The following ST3GAL1 variants were observed in gnomAD, a reference collection of about 807,000 sequenced individuals.
The protein encoded by ST3GAL1 is CMP-N-acetylneuraminate-beta-galactosamide-alpha-2,3-sialyltransferase 1.
ST3GAL1 carries 16 observed loss-of-function variants against 34.1 expected under a neutral mutation model. The observed-to-expected ratio is 0.47, with a 90% CI of 0.32 to 0.71. The LOEUF (loss-of-function observed/expected upper bound fraction) is 0.71, where lower values mean the gene tolerates loss of function less well. Among genes scored for constraint, ST3GAL1 ranks in the 30% least tolerant of loss-of-function variants. ST3GAL1 has a pLI of 0.04. For missense variants in ST3GAL1, 353 were observed against 447.4 expected (o/e 0.79, Z 1.90); for synonymous variants, 191 against 184.7 (o/e 1.03, Z -0.28).
In ST3GAL1 at chr8:133,557,600, A is replaced by G. The variant is rs369570157; in HGVS notation, c.-581-11674T>C. Among the ~76,000 whole-genome samples the G allele has an allele frequency of 3.9e-5, 6 of 152,184 alleles. No individual in the cohort carries two copies. The East Asian group carries it at 7.7e-4, about 20-fold the overall frequency. On this transcript the variant is annotated intron_variant, in intron 1 of 9. Transcript: ENST00000522652. The stretch of plus-strand genomic sequence containing the variant: ...TGGTCTGACTCACACCTGTAATCCC[A>G]GCACTTTGGGAGGCCAAGGCAGGCA...
At chr8:133,547,905 G>A (rs1322994330) in intron 1 of ST3GAL1, among the ~76,000 whole-genome samples, 1 of 152,216 alleles carries the variant, frequency 6.6e-6, no homozygotes, top group Non-Finnish European at 1.5e-5. Flanking sequence ...GGCAAAAGCA[G>A]GAGTGGGAGA....
intron 3 of ST3GAL1, among the ~76,000 whole-genome samples, chr8:133,479,258 T>C (rs1439542375): frequency 6.6e-6 from 1 of 151,472 alleles, no homozygotes. Flanking sequence ...CTCCCAGGCA[T>C]CAATAGGGCC....
chr8:133,524,912 C>T (rs1055661453), intron 2 of ST3GAL1, among the ~76,000 whole-genome samples: 2 of 152,282 alleles, frequency 1.3e-5, no homozygotes, highest in Admixed American at 6.5e-5. Flanking sequence ...GAAGGTGTCA[C>T]AGCCCTGGCT....
At chr8:133,484,971 T>A (rs1390139729) in intron 3 of ST3GAL1, among the ~76,000 whole-genome samples, 2 of 152,192 alleles carry the variant, frequency 1.3e-5, no homozygotes, top group African/African-American at 4.8e-5. Context: ...CTTGTAGCTA[T>A]GATCAACGAA....
intron 5 of ST3GAL1, among the ~76,000 whole-genome samples, chr8:133,468,019 G>A (rs1815807918): frequency 6.6e-6 from 1 of 152,184 alleles, no homozygotes; most frequent in South Asian, 2.1e-4. Flanking sequence ...TGCATTGCTG[G>A]TGGGGATGTA....
At position 133,476,201 on chromosome 8, in the gene ST3GAL1, C is replaced by T. The variant is rs918304253; in HGVS notation, c.-51+77G>A. On this transcript the variant is annotated intron_variant, in intron 4 of 9. Coordinates refer to ENST00000522652, the MANE Select transcript of ST3GAL1 (RefSeq NM_173344.3). The stretch of plus-strand genomic sequence containing the variant: ...CTTCACTCCTGCTGGGGGATGACCC[C>T]CAACTGTGTCCCAGACACGGCTGTG... 2.3e-5 allele frequency: 15 copies of T among 649,466 alleles called. No homozygotes were observed. The African/African-American group carries it at 2.7e-4, about 12-fold the overall frequency. The allele number at this position is 649,466 out of a possible 1,614,324, so 40.2% of individuals were successfully genotyped here.
rs1214367912 is a variant in ST3GAL1, at chr8:133,475,712, A to G, written c.306+7T>C. On this transcript the variant is annotated splice_region_variant and intron_variant, in intron 5 of 9. Transcript: ENST00000522652. ...AGCCCAGACCCCGCTCTCAGGCAGC[A>G]TCTCACCAGCCACCATCGGTAGGTG... The G allele has an allele frequency of 6.3e-7, 1 of 1,581,212 alleles. No homozygotes were observed. Among genetic ancestry groups the G allele is most frequent in the Non-Finnish European group, 8.6e-7 (1 of 1,161,802 alleles).
At chr8:133,558,443 T>C (rs1819121787) in intron 1 of ST3GAL1, among the ~76,000 whole-genome samples, 2 of 152,198 alleles carry the variant, frequency 1.3e-5, no homozygotes. Context: ...AATACTTTTA[T>C]GAGTAAATCA....
At chr8:133,482,427 G>A (rs1175029230) in intron 3 of ST3GAL1, among the ~76,000 whole-genome samples, 3 of 152,316 alleles carry the variant, frequency 2.0e-5, no homozygotes, top group East Asian at 3.9e-4. Context: ...CAGAGGTGCC[G>A]AGGCAAACCT....
chr8:133,496,365 T>G (rs1019117388), intron 3 of ST3GAL1, among the ~76,000 whole-genome samples: 1 of 152,040 alleles, frequency 6.6e-6, no homozygotes, highest in Non-Finnish European at 1.5e-5. Flanking sequence ...GAAGCTCCAG[T>G]CTATATGTGC....
rs1416860966 is a variant in ST3GAL1 at position 133,461,647 on chromosome 8, C to A, written c.849+228G>T. 6.6e-6 allele frequency among the ~76,000 whole-genome samples: 1 copy of A among 152,192 alleles called. No homozygotes were observed. The highest frequency in any genetic ancestry group is 1.5e-5 in the Non-Finnish European group (1 of 68,030). ...CCACCACCACGGTCCTGGGCACTTA[C>A]ACAGAATGTGCCAGAACTATTGCTC... On this transcript the variant is annotated intron_variant, in intron 9 of 9. Coordinates refer to ENST00000522652, the MANE Select transcript of ST3GAL1 (RefSeq NM_173344.3). The surrounding 1 kb of genome is among the most constrained non-coding windows in gnomAD (Gnocchi z 4.7).
At chr8:133,494,071 A>C (rs1816868485) in intron 3 of ST3GAL1, among the ~76,000 whole-genome samples, 2 of 152,194 alleles carry the variant, frequency 1.3e-5, no homozygotes, top group Middle Eastern at 3.2e-3. Flanking sequence ...TCAGTGAAGA[A>C]AAGGGATAAT....
intron 1 of ST3GAL1, among the ~76,000 whole-genome samples, chr8:133,559,264 T>C (rs1819149018): frequency 6.6e-6 from 1 of 152,202 alleles, no homozygotes; most frequent in African/African-American, 2.4e-5. Flanking sequence ...GACCTATCGA[T>C]GTCATTAAAT....
At chr8:133,520,105 A>G (rs1342620674) in intron 2 of ST3GAL1, among the ~76,000 whole-genome samples, 1 of 152,156 alleles carries the variant, frequency 6.6e-6, no homozygotes, top group Non-Finnish European at 1.5e-5. Context: ...AGCAGCTGCA[A>G]TGGGCCAGGT....
chr8:133,529,419 G>A (rs1355810757), intron 2 of ST3GAL1, among the ~76,000 whole-genome samples: 2 of 152,218 alleles, frequency 1.3e-5, no homozygotes, highest in Non-Finnish European at 2.9e-5. Context: ...CCTGCTGGCT[G>A]TCCCTTATGG....
At chr8:133,541,112 T>A (rs1177700322) in intron 2 of ST3GAL1, among the ~76,000 whole-genome samples, 2 of 40,718 alleles carry the variant, frequency 4.9e-5, no homozygotes, top group African/African-American at 2.6e-4. Flanking sequence ...TATATATATA[T>A]ATATATATAG....
chr8:133,530,475 G>GT (rs1818120169), intron 2 of ST3GAL1, among the ~76,000 whole-genome samples: 1 of 152,078 alleles, frequency 6.6e-6, no homozygotes, highest in South Asian at 2.1e-4. Context: ...TAGAGATGGG[G>GT]TTTAACCATG....
chr8:133,470,586 C>T (rs1285038073), intron 5 of ST3GAL1, among the ~76,000 whole-genome samples: 2 of 152,200 alleles, frequency 1.3e-5, no homozygotes, highest in Non-Finnish European at 2.9e-5. Flanking sequence ...GCCTGGTGGC[C>T]TGAGCTCCTT....
intron 6 of ST3GAL1, among the ~76,000 whole-genome samples, chr8:133,465,308 C>T (rs1000438732): frequency 1.3e-5 from 2 of 152,126 alleles, no homozygotes; most frequent in African/African-American, 4.8e-5. Flanking sequence ...TACACTGAGG[C>T]TCTGAGAGGC....
Sources: gnomAD v4.1 joint callset for allele counts (sites outside exome capture counted in the v4.1 genomes callset) on GRCh38, gnomAD v4.1.1 for gene constraint, Gnocchi (gnomAD v3.1) non-coding constraint, MANE v1.5 for transcripts, NCBI Gene and HGNC (gene_info 2026-07-23, HGNC 2026-07-21) for gene names.